Variants in PDGFRA observed in about 807,000 individuals in gnomAD.
The protein encoded by PDGFRA is platelet derived growth factor receptor alpha.
A neutral mutation model predicts 121.5 loss-of-function variants in PDGFRA; 25 were observed. The observed-to-expected ratio is 0.21, with a 90% CI of 0.15 to 0.29. The LOEUF is 0.29. PDGFRA is among the 10% of genes least tolerant of loss of function. The probability of loss-of-function intolerance (pLI) is 1.00; values close to 1 mark genes in which losing one functional copy is unlikely to be tolerated. For missense variants in PDGFRA, 1,008 were observed against 1,345.1 expected, an observed-to-expected ratio of 0.75 and a Z score of 3.92; for synonymous variants, 463 against 494.8, an observed-to-expected ratio of 0.94 and a Z score of 0.85.
chr4:54,290,349 G>A lies in PDGFRA; in HGVS notation c.2917G>A (p.Asp973Asn). Residue 973 changes from aspartate to asparagine, a missense_variant, in exon 22 of 23, where the codon GAC becomes AAC. Around this residue, in one of 5 missense-constraint regions of PDGFRA, gnomAD observed 204 missense variants for 243.0 expected, o/e 0.84. Transcript: ENST00000257290. ...EKIHLDFLKS[D>N]HPAVARMRVD... ...AATTCACCTGGACTTCCTGAAGAGT[G>A]ACCATCCTGCTGTGGCACGCATGCG... 3 of 1,612,296 alleles carry A rather than the reference G, an allele frequency of 1.9e-6. No individual in the cohort carries two copies. Among genetic ancestry groups the A allele is most frequent in the Non-Finnish European group, 2.5e-6 (3 of 1,178,292 alleles).
chr4:54,290,430 C>G lies in PDGFRA; in HGVS notation c.2998C>G (p.Leu1000Val), dbSNP rs568721384. The change falls in exon 22 of 23, where the codon CTG becomes GTG. Residue 1000 changes from leucine (L) to valine (V), a missense_variant. Coordinates refer to ENST00000257290, the MANE Select transcript of PDGFRA (RefSeq NM_006206.6). ...CACCTACAAAAACGAGGAAGACAAG[C>G]TGAAGGACTGGGAGGGTGGTCTGGA... ...GVTYKNEEDKLKDWEGGLDEQ... is the reference protein window; with the variant it reads ...GVTYKNEEDKVKDWEGGLDEQ... 1.1e-5 allele frequency: 17 copies of G among 1,614,086 alleles called. No individual in the cohort carries two copies. The African/African-American group carries it at 1.1e-4, about 10-fold the overall frequency.
At position 54,295,782 on chromosome 4, in the gene PDGFRA, T is replaced by A. The variant is rs908576729; in HGVS notation, c.*510T>A. 1 of 245,040 alleles carries A rather than the reference T, an allele frequency of 4.1e-6. No individual in the cohort carries two copies. Among genetic ancestry groups the A allele is most frequent in the African/African-American group, 2.2e-5 (1 of 45,510 alleles). 15.2% of individuals were successfully genotyped at this position (245,040 alleles called of 1,614,324 possible). On this transcript the variant is annotated 3_prime_UTR_variant, in exon 23 of 23. Coordinates refer to ENST00000257290, the MANE Select transcript of PDGFRA (RefSeq NM_006206.6). Reference sequence around the variant, plus strand: ...AAAGAAGTGCATGAAAAACCATTTTTGAACCTTAAAAGGTACTGGTACTAT... The same window carrying A: ...AAAGAAGTGCATGAAAAACCATTTTAGAACCTTAAAAGGTACTGGTACTAT...
chr4:54,259,025 C>T (rs569898610), intron 2 of PDGFRA, among the ~76,000 whole-genome samples: 1 of 152,332 alleles, frequency 6.6e-6, no homozygotes, highest in Non-Finnish European at 1.5e-5. Flanking sequence ...GGAATGCTCT[C>T]CAGTGGCAGT....
intron 1 of PDGFRA, among the ~76,000 whole-genome samples, chr4:54,248,581 A>C (rs1721838131): frequency 6.6e-6 from 1 of 152,350 alleles, no homozygotes; most frequent in East Asian, 1.9e-4. Flanking sequence ...TGGATTAAAG[A>C]CTTAAACGTT....
At chr4:54,263,038 T>C (rs527850549) in intron 3 of PDGFRA, among the ~76,000 whole-genome samples, 21 of 152,212 alleles carry the variant, frequency 1.4e-4, no homozygotes, top group Non-Finnish European at 2.1e-4. Context: ...GCTGTTTTTC[T>C]TTTGGAAAGG....
In PDGFRA at chr4:54,273,627, G is replaced by A. The variant is rs750572749; in HGVS notation, c.1455G>A (p.Glu485=). 2 of 1,614,026 alleles carry A rather than the reference G, an allele frequency of 1.2e-6. No individual in the cohort carries two copies. The highest frequency in any genetic ancestry group is 1.7e-6 in the Non-Finnish European group (2 of 1,180,014). Residue 485 remains glutamate (E), a synonymous_variant, in exon 10 of 23, where the codon GAG becomes GAA. Transcript: ENST00000257290. ...EIHSRDRSTV[E]GRVTFAKVEE... ...ACTCCCGAGACAGGAGTACCGTGGAGGGCCGTGTGACTTTCGCCAAAGTGG... is the reference window on the plus strand; with the variant it reads ...ACTCCCGAGACAGGAGTACCGTGGAAGGCCGTGTGACTTTCGCCAAAGTGG...
At chr4:54,249,063 G>A (rs1409139100) in intron 1 of PDGFRA, among the ~76,000 whole-genome samples, 1 of 152,162 alleles carries the variant, frequency 6.6e-6, no homozygotes, top group Non-Finnish European at 1.5e-5. Context: ...AAAAAGTCAG[G>A]AAACAACAGG....
At chr4:54,273,953 C>T (rs1047342523) in intron 10 of PDGFRA, among the ~76,000 whole-genome samples, 15 of 152,226 alleles carry the variant, frequency 9.9e-5, no homozygotes, top group Admixed American at 8.5e-4. Flanking sequence ...ACAATATTGG[C>T]TCACTGCAAC....
chr4:54,274,002 T>C (rs1263947199), intron 10 of PDGFRA, among the ~76,000 whole-genome samples: 1 of 152,206 alleles, frequency 6.6e-6, no homozygotes, highest in Non-Finnish European at 1.5e-5. Context: ...GATCCAAAAC[T>C]GCATTTTTGC....
intron 1 of PDGFRA, among the ~76,000 whole-genome samples, chr4:54,235,861 A>G (rs1313175291): frequency 6.6e-6 from 1 of 152,284 alleles, no homozygotes; most frequent in Non-Finnish European, 1.5e-5. Context: ...GCAAGCAACC[A>G]GTCAGGCCTT....
chr4:54,258,298 T>C (rs1387178196), intron 1 of PDGFRA, among the ~76,000 whole-genome samples: 1 of 152,120 alleles, frequency 6.6e-6, no homozygotes, highest in Admixed American at 6.6e-5. Flanking sequence ...TGACACACAT[T>C]GTTGGAAGTT....
intron 1 of PDGFRA, among the ~76,000 whole-genome samples, chr4:54,251,887 A>G (rs1312281404): frequency 1.3e-5 from 2 of 152,240 alleles, no homozygotes; most frequent in African/African-American, 4.8e-5. Context: ...GTGGCAAATA[A>G]TTATTTTTGC....
At chr4:54,249,718 TG>T (rs1457793189) in intron 1 of PDGFRA, among the ~76,000 whole-genome samples, 20 of 152,178 alleles carry the variant, frequency 1.3e-4, no homozygotes, top group African/African-American at 4.8e-4. Flanking sequence ...CACACCAGCA[TG>T]GCACATGTAT....
chr4:54,297,268 A>G lies in PDGFRA; in HGVS notation c.*1996A>G, dbSNP rs552108846. On this transcript the variant is annotated 3_prime_UTR_variant, in exon 23 of 23. Coordinates refer to ENST00000257290, the MANE Select transcript of PDGFRA (RefSeq NM_006206.6). ...CTGTGATTACTGCAATCACTGTGCT[A>G]TCGGCAGATGATGCTTTGGAAGATG... 4 of 233,746 alleles carry G rather than the reference A, an allele frequency of 1.7e-5. No individual in the cohort carries two copies. The highest frequency in any genetic ancestry group is 1.8e-4 in the South Asian group (1 of 5,530). 14.5% of individuals were successfully genotyped at this position (233,746 alleles called of 1,614,324 possible).
At chr4:54,238,240 G>A (rs541184292) in intron 1 of PDGFRA, among the ~76,000 whole-genome samples, 1 of 152,152 alleles carries the variant, frequency 6.6e-6, no homozygotes, top group Admixed American at 6.5e-5. Flanking sequence ...TGCAAAGTAG[G>A]CCACCTTACG....
chr4:54,267,795 A>G (rs890958213), intron 7 of PDGFRA, 54 bp downstream of exon 7: 34 of 1,467,822 alleles, frequency 2.3e-5, no homozygotes, highest in Middle Eastern at 1.9e-4. Flanking sequence ...TCAGAGGCGG[A>G]CTGAGGTTTG....
intron 9 of PDGFRA, among the ~76,000 whole-genome samples, 196 bp downstream of exon 9, chr4:54,272,716 A>G (rs1259599538): frequency 6.6e-6 from 1 of 152,196 alleles, no homozygotes; most frequent in Non-Finnish European, 1.5e-5. Flanking sequence ...AATGTCTCCA[A>G]TCTAAAAACA....
chr4:54,281,325 T>C (rs1324018683), intron 16 of PDGFRA, among the ~76,000 whole-genome samples: 1 of 152,254 alleles, frequency 6.6e-6, no homozygotes, highest in African/African-American at 2.4e-5. Flanking sequence ...GACATTGTTT[T>C]GGAAATTATT....
At chr4:54,280,053 A>G (rs1331487753) in intron 15 of PDGFRA, among the ~76,000 whole-genome samples, 2 of 152,142 alleles carry the variant, frequency 1.3e-5, no homozygotes, top group Non-Finnish European at 2.9e-5. Flanking sequence ...TGTGTGTGCA[A>G]GTATCTTTTT....
Sources: allele counts gnomAD v4.1 joint callset (sites outside exome capture counted in the v4.1 genomes callset), GRCh38; gene constraint gnomAD v4.1.1; regional missense constraint gnomAD v4.1.1; transcripts MANE v1.5; gene names NCBI Gene and HGNC (gene_info 2026-07-23, HGNC 2026-07-21).